The following USP4 variants were observed in gnomAD, a reference collection of about 807,000 sequenced individuals.
The protein encoded by USP4 is ubiquitin carboxyl-terminal hydrolase 4.
In USP4, 72 loss-of-function variants were observed where a neutral mutation model predicts 118.2. That is an observed-to-expected ratio of 0.61 (90% CI 0.50 to 0.74). USP4 has a LOEUF of 0.74. Ranked by LOEUF, USP4 falls within the 30% of genes least tolerant of loss-of-function variation. The pLI is 0.00. For missense variants in USP4, 1,037 were observed against 1,185.7 expected, an observed-to-expected ratio of 0.87 and a Z score of 1.84; for synonymous variants, 415 against 440.4, an observed-to-expected ratio of 0.94 and a Z score of 0.72.
intron 11 of USP4, among the ~76,000 whole-genome samples, 171 bp downstream of exon 11, chr3:49,300,296 A>T (rs554380723): frequency 6.6e-6 from 1 of 152,284 alleles, no homozygotes; most frequent in East Asian, 1.9e-4. Context: ...CCTTCACAAT[A>T]GGCCTTAAAT....
At chr3:49,325,150 G>A (rs2047539107) in intron 4 of USP4, 111 bp from the exon 5 acceptor site, 1 of 1,370,822 alleles carries the variant, frequency 7.3e-7, no homozygotes, top group Non-Finnish European at 1.0e-6. Flanking sequence ...CAGGTGCTCT[G>A]GATCAACCCC....
chr3:49,302,411 C>T lies in USP4; in HGVS notation c.1260G>A (p.Leu420=), dbSNP rs1442225474. ...CATCTGGCCGCCCATTGGCATCCTT[C>T]AGCTCCAAGTAGGGCTTTTTCTTTA... ...NRVKKKPYLE[L]KDANGRPDAV... The change falls in exon 10 of 22, where the codon CTG becomes CTA. Residue 420 remains leucine (L), a synonymous_variant. Transcript: ENST00000265560. 6.2e-7 allele frequency: 1 copy of T among 1,613,992 alleles called. No individual in the cohort carries two copies.
intron 6 of USP4, chr3:49,318,473 A>G: frequency 1.0e-6 from 1 of 985,480 alleles, no homozygotes; most frequent in Non-Finnish European, 1.2e-6. Flanking sequence ...AGAGAAACAG[A>G]TGGAAAGAGA....
At chr3:49,283,008 CTTTTTT>C (rs71077783) in intron 19 of USP4, among the ~76,000 whole-genome samples, 3 of 78,264 alleles carry the variant, frequency 3.8e-5, no homozygotes, top group East Asian at 3.7e-4. Context: ...GTGCCGGCCT[CTTTTTT>C]TTTTTTTTTT....
Position 49,318,028 on chromosome 3 carries a change from G to A in USP4, c.696-6374C>T, listed in dbSNP as rs561148758. On this transcript the variant is annotated intron_variant, in intron 6 of 21. Transcript: ENST00000265560. Reference sequence around the variant, plus strand: ...TTTTTGCATTTTTAGTAGAGACAGGGTTTCACCATGTTGGCCAGACTGGTC... The same window carrying A: ...TTTTTGCATTTTTAGTAGAGACAGGATTTCACCATGTTGGCCAGACTGGTC... 2.6e-5 allele frequency among the ~76,000 whole-genome samples: 4 copies of A among 151,520 alleles called. No homozygotes were observed. In the South Asian group the frequency reaches 8.3e-4, roughly 32 times the overall value.
intron 15 of USP4, among the ~76,000 whole-genome samples, chr3:49,291,998 G>A (rs1046843442): frequency 1.3e-5 from 2 of 151,986 alleles, no homozygotes; most frequent in East Asian, 1.9e-4. Flanking sequence ...TAGTAGAGAC[G>A]GGGTTTCACT....
chr3:49,305,406 C>T (rs141620153), intron 9 of USP4, among the ~76,000 whole-genome samples: 4 of 88,878 alleles, frequency 4.5e-5, no homozygotes, highest in East Asian at 4.6e-4. Context: ...CAAAATGCAA[C>T]GAAAGGAATG....
In USP4 at chr3:49,325,032, G is replaced by C. The variant is rs564412761; in HGVS notation, c.495C>G (p.Ile165Met). 5 of 1,612,916 alleles carry C rather than the reference G, an allele frequency of 3.1e-6. No homozygotes were observed. Among genetic ancestry groups the C allele is most frequent in the Non-Finnish European group, 4.2e-6 (5 of 1,179,660 alleles). ...TGAATAGCTTCCGCATCTCTTTCTC[G>C]ATGGTTGCTAGGAACAGGCAGAAAT... ...HFSKADTIAT[I>M]EKEMRKLFNI... Residue 165 changes from isoleucine to methionine, a missense_variant, in exon 5 of 22, where the codon ATC (isoleucine) becomes ATG (methionine). By Grantham distance (10) the Ile-to-Met change is conservative. Coordinates refer to ENST00000265560, the MANE Select transcript of USP4 (RefSeq NM_003363.4).
chr3:49,317,318 G>A, intron 6 of USP4: 1 of 1,373,164 alleles, frequency 7.3e-7, no homozygotes, highest in Non-Finnish European at 1.0e-6. Flanking sequence ...TCTGTCAGCT[G>A]CCTCACCTCA....
At chr3:49,318,200 C>T (rs2047461034) in intron 6 of USP4, 1 of 467,228 alleles carries the variant, frequency 2.1e-6, no homozygotes, top group Non-Finnish European at 2.8e-6. Flanking sequence ...AACTCCTGGG[C>T]TCAAGCAATC....
intron 13 of USP4, among the ~76,000 whole-genome samples, chr3:49,297,106 A>C (rs570915052): frequency 6.6e-6 from 1 of 152,342 alleles, no homozygotes; most frequent in East Asian, 1.9e-4. Context: ...AAACCAAAAC[A>C]AAATCCTAAA....
chr3:49,318,660 GC>G, intron 6 of USP4: 1 of 979,126 alleles, frequency 1.0e-6, no homozygotes, highest in Non-Finnish European at 1.2e-6. Flanking sequence ...TGTAATCCCA[GC>G]ACTCTGGGAC....
Position 49,310,628 on chromosome 3 carries a change from C to T in USP4, c.946G>A (p.Ala316Thr). 3.1e-6 allele frequency: 5 copies of T among 1,613,190 alleles called. No homozygotes were observed. Among genetic ancestry groups the T allele is most frequent in the Non-Finnish European group, 4.2e-6 (5 of 1,179,136 alleles). ...GAAGTTCTCTCCTCTACCTGCAAAG[C>T]GGAGTTCATGAAGCAGGTGTTTCCC... ...NLGNTCFMNS[A>T]LQCLSNTAPL... Residue 316 changes from alanine to threonine, a missense_variant, in exon 8 of 22, where the codon GCT becomes ACT. By Grantham distance (58) the Ala-to-Thr change is moderately conservative. Coordinates refer to ENST00000265560, the MANE Select transcript of USP4 (RefSeq NM_003363.4).
chr3:49,293,035 T>C (rs1255798269), intron 14 of USP4, among the ~76,000 whole-genome samples: 1 of 150,104 alleles, frequency 6.7e-6, no homozygotes, highest in Non-Finnish European at 1.5e-5. Flanking sequence ...TCTCAAAAAA[T>C]AAATAAAATA....
intron 1 of USP4, among the ~76,000 whole-genome samples, chr3:49,336,851 C>T (rs2107807607): frequency 6.6e-6 from 1 of 151,894 alleles, no homozygotes; most frequent in Middle Eastern, 3.4e-3. Context: ...ATGATCTTTA[C>T]AGAAGTCCCA....
Position 49,310,650 on chromosome 3 carries a change from T to G in USP4, c.924A>C (p.Gly308=), listed in dbSNP as rs1328640370. The G allele has an allele frequency of 6.2e-7, 1 of 1,613,992 alleles. No homozygotes were observed. The highest frequency in any genetic ancestry group is 1.7e-5 in the Admixed American group (1 of 59,994). The change falls in exon 8 of 22, where the codon GGA becomes GGC. Residue 308 remains glycine, a synonymous_variant. Transcript: ENST00000265560. ...QPGLCGLGNL[G]NTCFMNSALQ... The stretch of plus-strand genomic sequence containing the variant: ...AAGCGGAGTTCATGAAGCAGGTGTT[T>G]CCCAGGTTTCCAAGTCCACAGAGCC...
intron 14 of USP4, among the ~76,000 whole-genome samples, chr3:49,294,174 G>T (rs1446854505): frequency 6.6e-6 from 1 of 152,058 alleles, no homozygotes; most frequent in Non-Finnish European, 1.5e-5. Context: ...TAGTAGAGAC[G>T]GGATTTCACC....
intron 6 of USP4, chr3:49,317,421 C>G (rs1433466849): frequency 2.1e-6 from 2 of 968,888 alleles, no homozygotes; most frequent in Admixed American, 2.0e-5. Flanking sequence ...ATTTGACCAG[C>G]TTGTTGTCGT....
At chr3:49,324,792 G>A (rs1473383357) in intron 5 of USP4, 29 bp from the exon 6 acceptor site, 1 of 1,613,826 alleles carries the variant, frequency 6.2e-7, no homozygotes, top group Non-Finnish European at 8.5e-7. Flanking sequence ...CAAATGAGGA[G>A]AGTTCAAACC....
Sources: gnomAD v4.1 joint callset for allele counts (sites outside exome capture counted in the v4.1 genomes callset) on GRCh38, gnomAD v4.1.1 for gene constraint, MANE v1.5 for transcripts, NCBI Gene and HGNC (gene_info 2026-07-23, HGNC 2026-07-21) for gene names.